The following KCNH2 variants were observed in gnomAD, a reference collection of about 807,000 sequenced individuals.
KCNH2 encodes voltage-gated inwardly rectifying potassium channel KCNH2.
In KCNH2, 35 loss-of-function variants were observed where a neutral mutation model predicts 95.9. The observed-to-expected ratio is 0.37, with a 90% CI of 0.28 to 0.48. The LOEUF is 0.48. Among genes scored for constraint, KCNH2 ranks in the 20% least tolerant of loss-of-function variants. The probability of loss-of-function intolerance (pLI) is 0.99; values close to 1 mark genes in which losing one functional copy is unlikely to be tolerated. For missense variants in KCNH2, 1,274 were observed against 1,702.9 expected, an observed-to-expected ratio of 0.75 and a Z score of 4.43; for synonymous variants, 786 against 754.7, an observed-to-expected ratio of 1.04 and a Z score of -0.68.
intron 7 of KCNH2, 65 bp from the exon 8 acceptor site, chr7:150,951,185 G>T: frequency 1.4e-6 from 2 of 1,384,850 alleles, no homozygotes; most frequent in Admixed American, 1.8e-5. Context: ...CAGGGACCCT[G>T]CTCAGGCCCC....
At position 150,951,479 on chromosome 7, in the gene KCNH2, C is replaced by A. The variant is rs199472969; in HGVS notation, c.1914G>T (p.Lys638Asn). 1 of 1,614,200 alleles carries A rather than the reference C, an allele frequency of 6.2e-7. No individual in the cohort carries two copies. The change falls in exon 7 of 15, where the codon AAG (lysine) becomes AAT (asparagine). Residue 638 changes from lysine to asparagine, a missense_variant. Physicochemically the swap from Lys to Asn is moderately conservative, Grantham distance 94. This residue lies in a region of KCNH2 where 147 missense variants were observed against 344.4 expected (regional missense o/e 0.43). Coordinates refer to ENST00000262186, the MANE Select transcript of KCNH2 (RefSeq NM_000238.4). ...GNVSPNTNSE[K>N]IFSICVMLIG... ...TGAGCATGACGCAGATGGAGAAGATCTTCTCTGAGTTGGTGTTGGGAGAGA... is the reference window on the plus strand; with the variant it reads ...TGAGCATGACGCAGATGGAGAAGATATTCTCTGAGTTGGTGTTGGGAGAGA...
In KCNH2 at chr7:150,974,559, C is replaced by A. The variant is rs963599435; in HGVS notation, c.307+152G>T. ...CCACAGGCACACCGCAGGGCCCCCG[C>A]CCGCGTCACACCCCCACAGAACCCT... On this transcript the variant is annotated intron_variant, in intron 2 of 14. Transcript: ENST00000262186. The A allele has an allele frequency of 2.2e-5, 15 of 669,672 alleles. No individual in the cohort carries two copies. The Admixed American group carries it at 2.7e-4, about 12-fold the overall frequency. The allele number at this position is 669,672 out of a possible 1,614,324, so 41.5% of individuals were successfully genotyped here. A position where few individuals can be genotyped will look rare whatever the true frequency, so the allele number is the denominator to read the frequency against.
chr7:150,955,469 C>A lies in KCNH2; in HGVS notation c.1128+1822G>T, dbSNP rs781494018. ...TTTCTGGGCCCTGGGCCGCAGAGCCCCTGTCCTGCTCGCCTTCCCGGCTGG... is the reference window on the plus strand; with the variant it reads ...TTTCTGGGCCCTGGGCCGCAGAGCCACTGTCCTGCTCGCCTTCCCGGCTGG... On this transcript the variant is annotated intron_variant, in intron 5 of 14. Coordinates refer to ENST00000262186, the MANE Select transcript of KCNH2 (RefSeq NM_000238.4). The A allele has an allele frequency of 2.6e-6, 4 of 1,558,870 alleles. No homozygotes were observed. Among genetic ancestry groups the A allele is most frequent in the South Asian group, 1.2e-5 (1 of 84,506 alleles).
rs144925439 is a variant in KCNH2 at position 150,951,785 on chromosome 7, C to G, written c.1608G>C (p.Ala536=). 1.3e-6 allele frequency: 2 copies of G among 1,596,574 alleles called. No individual in the cohort carries two copies. The highest frequency in any genetic ancestry group is 2.7e-5 in the African/African-American group (2 of 74,884). The change falls in exon 7 of 15, where the codon GCG becomes GCC. Residue 536 remains alanine (A), a synonymous_variant. Coordinates refer to ENST00000262186, the MANE Select transcript of KCNH2 (RefSeq NM_000238.4). ...TARLLRLVRV[A]RKLDRYSEYG... ...ACTCTGAGTAGCGATCCAGCTTCCG[C>G]GCCACGCGCACCAGCCGCAGCAGCC...
chr7:150,959,762 C>T, intron 2 of KCNH2, 26 bp from the exon 3 acceptor site: 1 of 1,613,930 alleles, frequency 6.2e-7, no homozygotes, highest in Non-Finnish European at 8.5e-7. Flanking sequence ...ACATAGCCCC[C>T]TTGGCACCCA....
At position 150,962,747 on chromosome 7, in the gene KCNH2, A is replaced by G. The variant is rs1801601886; in HGVS notation, c.308-3011T>C. On this transcript the variant is annotated intron_variant, in intron 2 of 14. Coordinates refer to ENST00000262186, the MANE Select transcript of KCNH2 (RefSeq NM_000238.4). This position sits in a 1 kb window ranked among gnomAD's most constrained non-coding sequence, Gnocchi z 5.7. ...AGGCCTGGTTATTCAAAAAATGTGA[A>G]CTGGAGCCCTGCCTGATGGCAGGGG... Among the ~76,000 whole-genome samples the G allele has an allele frequency of 6.6e-6, 1 of 152,034 alleles. No individual in the cohort carries two copies. Among genetic ancestry groups the G allele is most frequent in the African/African-American group, 2.4e-5 (1 of 41,384 alleles).
Position 150,946,122 on chromosome 7 carries a change from G to A in KCNH2, c.3331-608C>T, listed in dbSNP as rs1435199651. The stretch of plus-strand genomic sequence containing the variant: ...CAGGCAGCATATGGGAGGGGGGAGC[G>A]GATGCCAAGGGAAGTGGGGAGGGAG... On this transcript the variant is annotated intron_variant, in intron 14 of 14. Transcript: ENST00000262186. The surrounding 1 kb of genome is among the most constrained non-coding windows in gnomAD (Gnocchi z 6.5). Among the ~76,000 whole-genome samples the A allele has an allele frequency of 1.3e-5, 2 of 152,080 alleles. No individual in the cohort carries two copies. The highest frequency in any genetic ancestry group is 6.5e-5 in the Admixed American group (1 of 15,278).
chr7:150,949,697 A>T, intron 9 of KCNH2: 2 of 1,170,668 alleles, frequency 1.7e-6, no homozygotes, highest in Non-Finnish European at 2.1e-6. Context: ...CTCAGTGTCC[A>T]GACACACCAA....
chr7:150,977,889 C>T lies in KCNH2; in HGVS notation c.25G>A (p.Ala9Thr), dbSNP rs1348684482. 1 of 1,601,540 alleles carries T rather than the reference C, an allele frequency of 6.2e-7. No homozygotes were observed. The highest frequency in any genetic ancestry group is 8.5e-7 in the Non-Finnish European group (1 of 1,175,114). MPVRRGHV[A>T]PQNTFLDTII... ...GTGTCCAGGAAGGTGTTCTGCGGCG[C>T]GACGTGGCCCCTCCGCACCGGCATC... Residue 9 changes from alanine to threonine, a missense_variant, in exon 1 of 15, where the codon GCG (alanine) becomes ACG (threonine). Physicochemically the swap from Ala to Thr is moderately conservative, Grantham distance 58. This residue lies in a region of KCNH2 where 29 missense variants were observed against 25.2 expected (regional missense o/e 1.15). Coordinates refer to ENST00000262186, the MANE Select transcript of KCNH2 (RefSeq NM_000238.4).
intron 4 of KCNH2, 101 bp downstream of exon 4, chr7:150,957,958 G>T: frequency 1.1e-6 from 1 of 931,404 alleles, no homozygotes; most frequent in Non-Finnish European, 1.5e-6. Context: ...CAGGCACCCA[G>T]GACGTAGTGA....
rs1187391577 is a variant in KCNH2 at position 150,952,353 on chromosome 7, C to G, written c.1557+72G>C. On this transcript the variant is annotated intron_variant, in intron 6 of 14. Transcript: ENST00000262186. This position sits in a 1 kb window ranked among gnomAD's most constrained non-coding sequence, Gnocchi z 7.3. ...TTCTCTGTCCTCCTCGCCACCCCCT[C>G]CACCCCACTACCTCCCACCACATTC... 7.6e-6 allele frequency: 11 copies of G among 1,451,896 alleles called. No homozygotes were observed. Among genetic ancestry groups the G allele is most frequent in the Non-Finnish European group, 1.0e-5 (11 of 1,050,638 alleles). 89.9% of individuals were successfully genotyped at this position (1,451,896 alleles called of 1,614,324 possible).
Position 150,945,809 on chromosome 7 carries a change from G to C in KCNH2, c.3331-295C>G, listed in dbSNP as rs1268330210. Among the ~76,000 whole-genome samples the C allele has an allele frequency of 6.6e-6, 1 of 152,198 alleles. No individual in the cohort carries two copies. The highest frequency in any genetic ancestry group is 1.5e-5 in the Non-Finnish European group (1 of 68,030). On this transcript the variant is annotated intron_variant, in intron 14 of 14. Coordinates refer to ENST00000262186, the MANE Select transcript of KCNH2 (RefSeq NM_000238.4). The surrounding 1 kb of genome is among the most constrained non-coding windows in gnomAD (Gnocchi z 5.6). ...CCTAGGCCCCTGTCTCTTCCCGAGG[G>C]AATGTGGCCGCTGAGCCCAACCCAA...
At position 150,948,496 on chromosome 7, in the gene KCNH2, G is replaced by A; in HGVS notation, c.2640C>T (p.Gly880=). 1 of 1,590,220 alleles carries A rather than the reference G, an allele frequency of 6.3e-7. No individual in the cohort carries two copies. The highest frequency in any genetic ancestry group is 8.6e-7 in the Non-Finnish European group (1 of 1,165,888). ...GSPGSTELEG[G]FSRQRKRKLS... is the part of the protein sequence containing the mutation. ...ACTTGCGCTTGCGTTGCCGACTGAA[G>A]CCACCCTCTAACTCCGTACTGCCGG... The change falls in exon 11 of 15, where the codon GGC becomes GGT. Residue 880 remains glycine (G), a synonymous_variant. Transcript: ENST00000262186.
chr7:150,955,369 G>A, intron 5 of KCNH2: 1 of 1,548,020 alleles, frequency 6.5e-7, no homozygotes. Flanking sequence ...GCCCCAGAAA[G>A]AAGAGGAAGG....
intron 9 of KCNH2, chr7:150,949,436 T>C (rs1308895899): frequency 2.1e-5 from 14 of 678,236 alleles, no homozygotes; most frequent in Non-Finnish European, 2.7e-5. Flanking sequence ...TTTTTTTTAC[T>C]GAAAGAACAT....
At chr7:150,955,288 C>T in intron 5 of KCNH2, 1 of 1,159,904 alleles carries the variant, frequency 8.6e-7, no homozygotes, top group South Asian at 1.3e-5. Flanking sequence ...CCAAAGCTTC[C>T]TACTTCCCAG....
At position 150,946,912 on chromosome 7, in the gene KCNH2, G is replaced by T; in HGVS notation, c.3295C>A (p.Pro1099Thr). The part of the protein sequence containing the change: ...TSTSPLLPVS[P>T]LPTLTLDSLS... ...GAGTCCAAGGTGAGGGTGGGGAGGG[G>T]GCTGACGGGCAACAGCGGGGATGTG... The change falls in exon 14 of 15, where the codon CCC becomes ACC. Residue 1099 changes from proline to threonine, a missense_variant. By Grantham distance (38) the Pro-to-Thr change is conservative. Transcript: ENST00000262186. The surrounding 1 kb of genome is among the most constrained non-coding windows in gnomAD (Gnocchi z 6.5). 2 of 1,599,296 alleles carry T rather than the reference G, an allele frequency of 1.3e-6. No individual in the cohort carries two copies. Among genetic ancestry groups the T allele is most frequent in the Non-Finnish European group, 1.7e-6 (2 of 1,170,300 alleles).
intron 5 of KCNH2, among the ~76,000 whole-genome samples, chr7:150,956,492 C>T (rs1039047822): frequency 6.6e-6 from 1 of 152,166 alleles, no homozygotes; most frequent in Non-Finnish European, 1.5e-5. Context: ...GATCTGCACT[C>T]CTGACCCACC....
intron 5 of KCNH2, chr7:150,955,313 G>T (rs1346951549): frequency 1.9e-5 from 26 of 1,363,928 alleles, no homozygotes; most frequent in Non-Finnish European, 2.7e-5. Flanking sequence ...CCTCTCCCCA[G>T]CCTGGAGTCA....
Sources: gnomAD v4.1 joint callset for allele counts (sites outside exome capture counted in the v4.1 genomes callset) on GRCh38, gnomAD v4.1.1 for gene constraint, gnomAD v4.1.1 regional missense constraint, Gnocchi (gnomAD v3.1) non-coding constraint, MANE v1.5 for transcripts, NCBI Gene and HGNC (gene_info 2026-07-23, HGNC 2026-07-21) for gene names.